TSHZ3: variants seen among roughly 807,000 people sequenced by gnomAD.
TSHZ3 encodes teashirt homolog 3.
A neutral mutation model predicts 64.5 loss-of-function variants in TSHZ3; 10 were observed. The ratio of observed to expected loss-of-function variants is 0.16; its 90% CI spans 0.10 to 0.26. The LOEUF (loss-of-function observed/expected upper bound fraction) is 0.26. TSHZ3 is among the 10% of genes least tolerant of loss of function. The probability of loss-of-function intolerance (pLI) is 1.00; values close to 1 mark genes in which losing one functional copy is unlikely to be tolerated. For missense variants in TSHZ3, 1,242 were observed against 1,421.7 expected (o/e 0.87, Z 2.03); for synonymous variants, 608 against 593.1 (o/e 1.03, Z -0.36).
At chr19:31,188,149 T>C (rs1261175626) in intron 5 of TSHZ3, among the ~76,000 whole-genome samples, 3 of 151,572 alleles carry the variant, frequency 2.0e-5, no homozygotes, top group Non-Finnish European at 4.4e-5. Flanking sequence ...TTTTATTTTA[T>C]TTTATATAGT....
chr19:31,272,357 A>G (rs1263530445), downstream of TSHZ3, among the ~76,000 whole-genome samples: 1 of 152,202 alleles, frequency 6.6e-6, no homozygotes, highest in Non-Finnish European at 1.5e-5. Context: ...GGAACCACAG[A>G]GACTGCCGCC....
At chr19:31,200,349 T>A (rs898796890) in intron 5 of TSHZ3, among the ~76,000 whole-genome samples, 3 of 152,064 alleles carry the variant, frequency 2.0e-5, no homozygotes, top group Non-Finnish European at 4.4e-5. Context: ...AATGGATAAA[T>A]AAACTAAAAG....
intron 5 of TSHZ3, among the ~76,000 whole-genome samples, chr19:31,194,367 G>T (rs766815953): frequency 2.6e-5 from 4 of 152,162 alleles, no homozygotes; most frequent in Non-Finnish European, 4.4e-5. Context: ...AACAAGGTCT[G>T]CCCTTAGGAG....
At position 31,279,863 on chromosome 19, in the gene TSHZ3, A is replaced by G; in HGVS notation, c.41-111T>C. ...TTAGTACTTGTTGATCTTACCTAGA[A>G]TATGTTCTGGGCTCTCAGGAAAACA... On this transcript the variant is annotated intron_variant, in intron 1 of 1. Coordinates refer to ENST00000240587, the MANE Select transcript of TSHZ3 (RefSeq NM_020856.4). This position sits in a 1 kb window ranked among gnomAD's most constrained non-coding sequence, Gnocchi z 6.4. 1 of 984,220 alleles carries G rather than the reference A, an allele frequency of 1.0e-6. No homozygotes were observed. Among genetic ancestry groups the G allele is most frequent in the Non-Finnish European group, 1.4e-6 (1 of 722,914 alleles). The allele number at this position is 984,220 out of a possible 1,614,324, so 61.0% of individuals were successfully genotyped here.
In TSHZ3 at chr19:31,279,187, C is replaced by T. The variant is rs752520707; in HGVS notation, c.606G>A (p.Lys202=). ...STVQLYRQSS[K]LYGSIFTGAS... is the part of the protein sequence containing the mutation. ...CCCCCGTGAAGATGGAGCCATAGAG[C>T]TTGCTGCTCTGCCGGTACAGCTGCA... Residue 202 remains lysine, a synonymous_variant, in exon 2 of 2, where the codon AAG becomes AAA. Transcript: ENST00000240587. This position sits in a 1 kb window ranked among gnomAD's most constrained non-coding sequence, Gnocchi z 6.4. 6.2e-7 allele frequency: 1 copy of T among 1,613,798 alleles called. No homozygotes were observed. Among genetic ancestry groups the T allele is most frequent in the East Asian group, 2.2e-5 (1 of 44,858 alleles).
rs376393548 is a variant in TSHZ3, at chr19:31,278,662, G to A, written c.1131C>T (p.His377=). The change falls in exon 2 of 2, where the codon CAC becomes CAT. Residue 377 remains histidine, a synonymous_variant. Coordinates refer to ENST00000240587, the MANE Select transcript of TSHZ3 (RefSeq NM_020856.4). The surrounding 1 kb of genome is among the most constrained non-coding windows in gnomAD (Gnocchi z 4.7). ...GHQNGASYAW[H]FEARKSQILK... is the part of the protein sequence containing the mutation. Reference sequence around the variant, plus strand: ...GGATCTGCGACTTCCGGGCCTCAAAGTGCCATGCATAGCTGGCCCCATTCT... The same window carrying A: ...GGATCTGCGACTTCCGGGCCTCAAAATGCCATGCATAGCTGGCCCCATTCT... 5.0e-6 allele frequency: 8 copies of A among 1,614,058 alleles called. No homozygotes were observed. The African/African-American group carries it at 5.3e-5, about 11-fold the overall frequency.
chr19:31,266,983 C>A (rs966433564), intron 1 of TSHZ3, among the ~76,000 whole-genome samples: 1 of 152,184 alleles, frequency 6.6e-6, no homozygotes, highest in Non-Finnish European at 1.5e-5. Context: ...TGCTCCTGGC[C>A]GGCCCACTTC....
At chr19:31,333,609 C>CA (rs200932120) in intron 1 of TSHZ3, among the ~76,000 whole-genome samples, 13 of 151,412 alleles carry the variant, frequency 8.6e-5, no homozygotes, top group South Asian at 2.1e-4. Flanking sequence ...CTGCTTGCAA[C>CA]AAAAAAAACA....
chr19:31,216,835 T>C (rs1179261508), intron 4 of TSHZ3, among the ~76,000 whole-genome samples: 1 of 151,858 alleles, frequency 6.6e-6, no homozygotes, highest in Admixed American at 6.6e-5. Context: ...TTTTTTATTT[T>C]TTTGTAGAGA....
At chr19:31,268,363 C>G (rs941750394) in intron 1 of TSHZ3, among the ~76,000 whole-genome samples, 2 of 152,150 alleles carry the variant, frequency 1.3e-5, no homozygotes, top group African/African-American at 4.8e-5. Flanking sequence ...GAAACCAGAG[C>G]CCCAGGAGAC....
At chr19:31,160,731 C>T (rs941122082) in intron 5 of TSHZ3, among the ~76,000 whole-genome samples, 10 of 151,900 alleles carry the variant, frequency 6.6e-5, no homozygotes, top group East Asian at 5.8e-4. Context: ...CATACACACA[C>T]GTATACACAC....
intron 3 of TSHZ3, among the ~76,000 whole-genome samples, chr19:31,235,518 G>C (rs1975595979): frequency 6.6e-6 from 1 of 151,950 alleles, no homozygotes; most frequent in African/African-American, 2.4e-5. Flanking sequence ...TGTCACAAAT[G>C]ATAGAACTTC....
chr19:31,325,907 T>C (rs1436378642), intron 1 of TSHZ3, among the ~76,000 whole-genome samples: 2 of 152,210 alleles, frequency 1.3e-5, no homozygotes, highest in African/African-American at 2.4e-5. Flanking sequence ...TATAAGATGA[T>C]GACTGAGATA....
intron 1 of TSHZ3, among the ~76,000 whole-genome samples, chr19:31,299,211 C>A (rs1353502514): frequency 6.6e-6 from 1 of 152,152 alleles, no homozygotes; most frequent in Non-Finnish European, 1.5e-5. Context: ...AAGTGTGACA[C>A]ACAACCGCAT....
At chr19:31,338,895 T>C (rs1375069703) in intron 1 of TSHZ3, among the ~76,000 whole-genome samples, 7 of 151,928 alleles carry the variant, frequency 4.6e-5, no homozygotes, top group Admixed American at 4.6e-4. Context: ...CGAGGGTTTG[T>C]GTCTGGTCAG....
At chr19:31,267,586 G>A (rs947398291) in intron 1 of TSHZ3, among the ~76,000 whole-genome samples, 2 of 152,052 alleles carry the variant, frequency 1.3e-5, no homozygotes, top group African/African-American at 2.4e-5. Flanking sequence ...TTTCTTTCAA[G>A]GGTCTCTCTG....
chr19:31,283,931 G>A (rs961818621), intron 1 of TSHZ3, among the ~76,000 whole-genome samples: 2 of 152,176 alleles, frequency 1.3e-5, no homozygotes, highest in African/African-American at 4.8e-5. Flanking sequence ...ACAGGGGTGT[G>A]GGGCAGGGCT....
chr19:31,250,560 T>C (rs1251406416), intron 1 of TSHZ3, among the ~76,000 whole-genome samples: 1 of 152,222 alleles, frequency 6.6e-6, no homozygotes, highest in Non-Finnish European at 1.5e-5. Context: ...GCACAGTGCA[T>C]TGTAATAAGC....
chr19:31,287,776 G>A (rs1249708368), intron 1 of TSHZ3, among the ~76,000 whole-genome samples: 1 of 152,204 alleles, frequency 6.6e-6, no homozygotes, highest in African/African-American at 2.4e-5. Context: ...CCTGGAGCCT[G>A]TGAGTTCTGG....
Sources: allele counts gnomAD v4.1 joint callset (sites outside exome capture counted in the v4.1 genomes callset), GRCh38; gene constraint gnomAD v4.1.1; non-coding constraint Gnocchi (gnomAD v3.1); transcripts MANE v1.5; gene names NCBI Gene and HGNC (gene_info 2026-07-23, HGNC 2026-07-21).